ARHGEF12: variants seen among roughly 807,000 people sequenced by gnomAD.
ARHGEF12 encodes the protein Rho guanine nucleotide exchange factor 12, also known as KMT2A/ARHGEF12 fusion protein.
A neutral mutation model predicts 211.2 loss-of-function variants in ARHGEF12; 66 were observed. The ratio of observed to expected loss-of-function variants is 0.31; its 90% CI spans 0.26 to 0.38. The LOEUF is 0.38. Ranked by LOEUF, ARHGEF12 falls within the 10% of genes least tolerant of loss-of-function variation. The pLI, the probability that ARHGEF12 is intolerant of heterozygous loss-of-function variation, is 1.00. For synonymous variants in ARHGEF12, 592 were observed against 638.4 expected (o/e 0.93, Z 1.09); for missense variants, 1,429 against 1,869.5 (o/e 0.76, Z 4.34).
At chr11:120,390,120 C>T (rs550805246) in intron 1 of ARHGEF12, among the ~76,000 whole-genome samples, 46 of 152,080 alleles carry the variant, frequency 3.0e-4, no homozygotes, top group African/African-American at 1.0e-3. Flanking sequence ...TTGTTTTATT[C>T]GCACACCTGG....
chr11:120,363,333 A>C (rs1283531919), intron 1 of ARHGEF12, among the ~76,000 whole-genome samples: 1 of 152,228 alleles, frequency 6.6e-6, no homozygotes, highest in African/African-American at 2.4e-5. Flanking sequence ...GAAACATGAA[A>C]TGCCTTCTTT....
At chr11:120,379,796 A>T (rs1053037436) in intron 1 of ARHGEF12, among the ~76,000 whole-genome samples, 1 of 152,068 alleles carries the variant, frequency 6.6e-6, no homozygotes, top group Non-Finnish European at 1.5e-5. Flanking sequence ...CATTTGGTTT[A>T]TCCTAATGGT....
intron 27 of ARHGEF12, 139 bp downstream of exon 27, chr11:120,460,896 A>G (rs1238497588): frequency 1.4e-6 from 1 of 727,864 alleles, no homozygotes; most frequent in Non-Finnish European, 2.3e-6. Flanking sequence ...GTCAAGCAGT[A>G]GATTCCATTT....
At chr11:120,423,860 C>T (rs1010962650) in intron 6 of ARHGEF12, among the ~76,000 whole-genome samples, 13 of 152,038 alleles carry the variant, frequency 8.6e-5, no homozygotes, top group Non-Finnish European at 1.2e-4. Context: ...TGGTTTAATT[C>T]AGAATCGGGA....
chr11:120,445,878 G>C (rs546947253), intron 16 of ARHGEF12, among the ~76,000 whole-genome samples: 8 of 146,082 alleles, frequency 5.5e-5, no homozygotes, highest in African/African-American at 2.0e-4. Flanking sequence ...CAGCCTGGGT[G>C]ATAAGAGCAA....
intron 1 of ARHGEF12, among the ~76,000 whole-genome samples, chr11:120,404,221 C>A (rs755843378): frequency 3.9e-5 from 6 of 152,146 alleles, no homozygotes; most frequent in Non-Finnish European, 8.8e-5. Flanking sequence ...TCTCTGATTA[C>A]ATCTGTCTCA....
rs1406827928 is a variant in ARHGEF12 at position 120,480,427 on chromosome 11, T to G, written c.4234T>G (p.Ser1412Ala). 1 of 1,604,740 alleles carries G rather than the reference T, an allele frequency of 6.2e-7. No individual in the cohort carries two copies. Among genetic ancestry groups the G allele is most frequent in the East Asian group, 2.2e-5 (1 of 44,764 alleles). ...KEEKDVNLRI[S>A]GNYLILDGYD... is the part of the protein sequence containing the mutation. The stretch of plus-strand genomic sequence containing the variant: ...AGAGAAGGATGTTAATTTACGCATC[T>G]CAGGCAAGTATCTTTCACACTTAAA... Residue 1412 changes from serine (S) to alanine (A), a missense_variant, in exon 38 of 41, where the codon TCA (serine) becomes GCA (alanine). Around this residue, in one of 7 missense-constraint regions of ARHGEF12, gnomAD observed 467 missense variants for 468.4 expected, o/e 1.00. Transcript: ENST00000397843.
intron 1 of ARHGEF12, among the ~76,000 whole-genome samples, chr11:120,394,824 G>A (rs942545483): frequency 5.9e-5 from 9 of 151,760 alleles, no homozygotes; most frequent in African/African-American, 1.2e-4. Flanking sequence ...TTGGGAAGCC[G>A]AGGTGGGCAG....
At chr11:120,343,021 C>T (rs1245782362) in intron 1 of ARHGEF12, among the ~76,000 whole-genome samples, 1 of 151,588 alleles carries the variant, frequency 6.6e-6, no homozygotes, top group African/African-American at 2.4e-5. Context: ...TTTGTCTCCT[C>T]TTATTTCCAC....
chr11:120,484,256 A>G (rs534059218), intron 39 of ARHGEF12, among the ~76,000 whole-genome samples, 182 bp from the exon 40 acceptor site: 1 of 152,332 alleles, frequency 6.6e-6, no homozygotes, highest in African/African-American at 2.4e-5. Context: ...GAAATTGGTA[A>G]AAGGAATGAA....
At chr11:120,429,207 G>C (rs975846312) in intron 8 of ARHGEF12, among the ~76,000 whole-genome samples, 2 of 152,150 alleles carry the variant, frequency 1.3e-5, no homozygotes, top group African/African-American at 4.8e-5. Flanking sequence ...TCAATATTTA[G>C]TGTTCTCTTG....
At chr11:120,381,796 G>C (rs987478458) in intron 1 of ARHGEF12, among the ~76,000 whole-genome samples, 1 of 152,078 alleles carries the variant, frequency 6.6e-6, no homozygotes, top group South Asian at 2.1e-4. Flanking sequence ...TGTGCATCCC[G>C]TTTGTAGTCA....
At chr11:120,481,973 A>G (rs1947256775) in intron 39 of ARHGEF12, among the ~76,000 whole-genome samples, 4 of 151,942 alleles carry the variant, frequency 2.6e-5, no homozygotes, top group Admixed American at 2.6e-4. Context: ...GTTAGCCAGG[A>G]TGGTCTCGAT....
chr11:120,471,080 G>A (rs1366349740), intron 30 of ARHGEF12, among the ~76,000 whole-genome samples: 1 of 152,086 alleles, frequency 6.6e-6, no homozygotes, highest in African/African-American at 2.4e-5. Context: ...CCAATCATAA[G>A]CAAATGGACC....
intron 6 of ARHGEF12, among the ~76,000 whole-genome samples, chr11:120,422,601 T>G (rs1945225129): frequency 6.6e-6 from 1 of 152,242 alleles, no homozygotes; most frequent in African/African-American, 2.4e-5. Context: ...TGTATCATTA[T>G]GTATATACAA....
chr11:120,430,634 A>G (rs1357705311), intron 10 of ARHGEF12, among the ~76,000 whole-genome samples: 2 of 152,232 alleles, frequency 1.3e-5, no homozygotes, highest in African/African-American at 4.8e-5. Context: ...TACATTTAAA[A>G]TAGGTAAAAG....
At chr11:120,461,682 A>G (rs1298273870) in intron 27 of ARHGEF12, among the ~76,000 whole-genome samples, 1 of 152,236 alleles carries the variant, frequency 6.6e-6, no homozygotes. Context: ...TATTTCATCT[A>G]CATTGAATAT....
At chr11:120,442,335 A>G in intron 15 of ARHGEF12, 133 bp downstream of exon 15, 1 of 553,628 alleles carries the variant, frequency 1.8e-6, no homozygotes. Flanking sequence ...TCAATTATTG[A>G]TTACTCTAGA....
At chr11:120,386,786 A>G (rs10790381) in intron 1 of ARHGEF12, among the ~76,000 whole-genome samples, 29,708 of 152,024 alleles carry the variant, frequency 0.2, 3,075 homozygotes, top group African/African-American at 0.24. Context: ...TCCTATGCAC[A>G]TTAGTCCAAA....
Sources: gnomAD v4.1 joint callset for allele counts (sites outside exome capture counted in the v4.1 genomes callset) on GRCh38, gnomAD v4.1.1 for gene constraint, gnomAD v4.1.1 regional missense constraint, MANE v1.5 for transcripts, NCBI Gene and HGNC (gene_info 2026-07-23, HGNC 2026-07-21) for gene names.